The following PTPRN2 variants were observed in gnomAD, a reference collection of about 807,000 sequenced individuals.
PTPRN2 encodes protein tyrosine phosphatase receptor type N2.
PTPRN2 carries 74 observed loss-of-function variants against 118.8 expected under a neutral mutation model. The observed-to-expected ratio is 0.62, with a 90% CI of 0.52 to 0.76. PTPRN2 has a LOEUF of 0.76. Ranked by LOEUF, PTPRN2 falls within the 30% of genes least tolerant of loss-of-function variation. The probability of loss-of-function intolerance (pLI) is 0.00; values close to 1 mark genes in which losing one functional copy is unlikely to be tolerated. For missense variants in PTPRN2, 1,481 were observed against 1,394.4 expected (o/e 1.06, Z -0.99); for synonymous variants, 641 against 608.0 (o/e 1.05, Z -0.80).
At chr7:158,098,534 C>T (rs893324126) in intron 10 of PTPRN2, among the ~76,000 whole-genome samples, 2 of 152,156 alleles carry the variant, frequency 1.3e-5, no homozygotes, top group South Asian at 2.1e-4. Flanking sequence ...ACAGCGAAGG[C>T]GGTGGCCAGG....
At chr7:158,441,046 TGGTGGTAGTGA>T (rs1352510494) in intron 2 of PTPRN2, among the ~76,000 whole-genome samples, 8 of 136,718 alleles carry the variant, frequency 5.9e-5, no homozygotes, top group African/African-American at 8.6e-5. Flanking sequence ...GTAGTAGTGA[TGGTGGTAGTGA>T]TGGGGGTGGT....
At chr7:158,575,625 C>A (rs577840569) in intron 1 of PTPRN2, among the ~76,000 whole-genome samples, 2 of 152,324 alleles carry the variant, frequency 1.3e-5, no homozygotes, top group East Asian at 1.9e-4. Flanking sequence ...CTCAGCCTCC[C>A]AAAGTGCTTG....
At chr7:157,968,008 C>T (rs1802063250) in intron 11 of PTPRN2, among the ~76,000 whole-genome samples, 1 of 152,196 alleles carries the variant, frequency 6.6e-6, no homozygotes, top group Admixed American at 6.5e-5. Context: ...CTTCATTCTT[C>T]AGTATCTTCC....
intron 3 of PTPRN2, among the ~76,000 whole-genome samples, chr7:158,249,019 T>C (rs866219210): frequency 2.1e-5 from 3 of 142,184 alleles, no homozygotes; most frequent in African/African-American, 5.5e-5. Flanking sequence ...CATATGTGCA[T>C]ACATAAACAC....
At chr7:158,074,735 G>A (rs1445427641) in intron 11 of PTPRN2, among the ~76,000 whole-genome samples, 2 of 152,160 alleles carry the variant, frequency 1.3e-5, no homozygotes, top group Non-Finnish European at 2.9e-5. Context: ...CCCCAGCAGT[G>A]AGTTGGAGGG....
chr7:158,182,342 T>C (rs545139052), intron 5 of PTPRN2, among the ~76,000 whole-genome samples: 1 of 152,314 alleles, frequency 6.6e-6, no homozygotes, highest in South Asian at 2.1e-4. Flanking sequence ...ATACAGTCTT[T>C]TTTTGTTTCA....
intron 3 of PTPRN2, among the ~76,000 whole-genome samples, chr7:158,304,201 T>C (rs557075345): frequency 1.4e-4 from 19 of 136,290 alleles, no homozygotes; most frequent in African/African-American, 4.5e-4. Flanking sequence ...GCATAAGACA[T>C]CCATCAATAC....
chr7:158,186,607 C>T (rs1049911077), intron 5 of PTPRN2, among the ~76,000 whole-genome samples: 1 of 149,376 alleles, frequency 6.7e-6, no homozygotes, highest in Admixed American at 7.0e-5. Flanking sequence ...GCACCTGGGC[C>T]CACCTGCCCC....
intron 11 of PTPRN2, among the ~76,000 whole-genome samples, chr7:157,908,418 G>T (rs1185396116): frequency 1.3e-5 from 2 of 152,228 alleles, no homozygotes; most frequent in African/African-American, 2.4e-5. Flanking sequence ...ATTAATGAAC[G>T]TGTCAAATCC....
At chr7:157,670,705 G>C (rs1473860488) in intron 13 of PTPRN2, among the ~76,000 whole-genome samples, 1 of 152,160 alleles carries the variant, frequency 6.6e-6, no homozygotes, top group African/African-American at 2.4e-5. Flanking sequence ...TAAGTTCTAA[G>C]GGCTTCCAAA....
intron 5 of PTPRN2, among the ~76,000 whole-genome samples, chr7:158,170,464 A>G (rs1823436013): frequency 6.6e-6 from 1 of 152,264 alleles, no homozygotes; most frequent in African/African-American, 2.4e-5. Context: ...ACACAATCAC[A>G]GCAGAGTGTG....
rs116296748 is a variant in PTPRN2 at position 158,060,511 on chromosome 7, T to G, written c.1723+20787A>C. Among the ~76,000 whole-genome samples, 472 of 152,358 alleles carry G rather than the reference T, an allele frequency of 3.1e-3. 2 individuals carry two copies. Among genetic ancestry groups the G allele is most frequent in the African/African-American group, 0.011 (456 of 41,584 alleles). On this transcript the variant is annotated intron_variant, in intron 11 of 22. Transcript: ENST00000389418. ...TCTGTACCTTCACGAGGTGATCCCC[T>G]CTTCTGCTAAGGACACAGTCATGTT...
intron 12 of PTPRN2, among the ~76,000 whole-genome samples, chr7:157,786,036 GC>G (rs1195143494): frequency 6.6e-6 from 1 of 152,130 alleles, no homozygotes; most frequent in Middle Eastern, 3.2e-3. Flanking sequence ...CTGCTGTTTG[GC>G]CTCCTCTGCC....
chr7:158,323,303 C>T (rs991785009), intron 2 of PTPRN2, among the ~76,000 whole-genome samples: 1 of 152,152 alleles, frequency 6.6e-6, no homozygotes, highest in African/African-American at 2.4e-5. Flanking sequence ...CTGGACCCCA[C>T]AGAACTCCAA....
rs752869171 is a variant in PTPRN2 at position 158,525,723 on chromosome 7, C to G, written c.113-35938G>C. Among the ~76,000 whole-genome samples, 1 of 152,226 alleles carries G rather than the reference C, an allele frequency of 6.6e-6. No homozygotes were observed. Among genetic ancestry groups the G allele is most frequent in the Non-Finnish European group, 1.5e-5 (1 of 68,038 alleles). ...GCCCTCCTCATTCCCAAGCAGCCCT[C>G]GGGGGCAGATGCCCCCATCTCCCAG... is the stretch of plus-strand genomic sequence containing the variant. On this transcript the variant is annotated intron_variant, in intron 1 of 22. Transcript: ENST00000389418. This position sits in a 1 kb window ranked among gnomAD's most constrained non-coding sequence, Gnocchi z 4.1.
At position 158,057,525 on chromosome 7, in the gene PTPRN2, G is replaced by C. The variant is rs140374727; in HGVS notation, c.1723+23773C>G. Among the ~76,000 whole-genome samples, 339 of 152,278 alleles carry C rather than the reference G, an allele frequency of 2.2e-3. 2 individuals carry two copies. Among genetic ancestry groups the C allele is most frequent in the African/African-American group, 7.5e-3 (312 of 41,556 alleles). ...CCTGCTGGCCCCACAACAGAGTTCT[G>C]GATTCTTTCCTAGTCTGTGTTTGGG... On this transcript the variant is annotated intron_variant, in intron 11 of 22. Transcript: ENST00000389418.
chr7:157,694,937 G>T (rs915018661), intron 12 of PTPRN2, among the ~76,000 whole-genome samples: 5 of 152,056 alleles, frequency 3.3e-5, no homozygotes, highest in Non-Finnish European at 7.4e-5. Context: ...TATTCATATA[G>T]AAGTTAGGGT....
chr7:158,473,049 T>C (rs1339484093), intron 2 of PTPRN2, among the ~76,000 whole-genome samples: 1 of 151,954 alleles, frequency 6.6e-6, no homozygotes, highest in East Asian at 1.9e-4. Flanking sequence ...GCATAATCTT[T>C]AGAATCCACG....
chr7:158,422,996 C>T (rs967130908), intron 2 of PTPRN2, among the ~76,000 whole-genome samples: 1 of 152,214 alleles, frequency 6.6e-6, no homozygotes, highest in Non-Finnish European at 1.5e-5. Flanking sequence ...TCAGGGCCCA[C>T]GCCAGTTTCC....
Sources: allele counts gnomAD v4.1 joint callset (sites outside exome capture counted in the v4.1 genomes callset), GRCh38; gene constraint gnomAD v4.1.1; non-coding constraint Gnocchi (gnomAD v3.1); transcripts MANE v1.5; gene names NCBI Gene and HGNC (gene_info 2026-07-23, HGNC 2026-07-21).